Variants in TPCN1 observed in about 807,000 individuals in gnomAD.
The protein encoded by TPCN1 is two pore segment channel 1, also known as two pore channel protein 1.
In TPCN1, 52 loss-of-function variants were observed where a neutral mutation model predicts 108.8. The ratio of observed to expected loss-of-function variants is 0.48; its 90% CI spans 0.38 to 0.60. TPCN1 has a LOEUF of 0.60. Among genes scored for constraint, TPCN1 ranks in the 20% least tolerant of loss-of-function variants. The pLI is 0.00. For missense variants in TPCN1, 806 were observed against 1,072.8 expected (o/e 0.75, Z 3.47); for synonymous variants, 446 against 433.7 (o/e 1.03, Z -0.35).
intron 2 of TPCN1, among the ~76,000 whole-genome samples, chr12:113,258,106 T>C (rs1220522576): frequency 6.6e-6 from 1 of 152,232 alleles, no homozygotes; most frequent in African/African-American, 2.4e-5. Flanking sequence ...GGTCAAAATG[T>C]ATCAAACTGT....
intron 2 of TPCN1, among the ~76,000 whole-genome samples, chr12:113,239,153 T>C (rs1193039738): frequency 2.0e-5 from 3 of 152,140 alleles, no homozygotes; most frequent in Non-Finnish European, 2.9e-5. Context: ...TATATACATA[T>C]ATATTTCAAA....
chr12:113,250,673 G>A (rs547718692), intron 2 of TPCN1, among the ~76,000 whole-genome samples: 31 of 152,350 alleles, frequency 2.0e-4, no homozygotes, highest in Non-Finnish European at 2.4e-4. Context: ...ATTATTTCCC[G>A]GCCAGGCGCA....
chr12:113,286,954 A>G (rs766533116), intron 18 of TPCN1, 33 bp from the exon 19 acceptor site: 31 of 1,559,858 alleles, frequency 2.0e-5, no homozygotes, highest in Non-Finnish European at 2.4e-5. Flanking sequence ...GCTCAGGGCC[A>G]CAGGGTGGAC....
chr12:113,254,146 C>T (rs1954749574), intron 2 of TPCN1, among the ~76,000 whole-genome samples: 1 of 152,164 alleles, frequency 6.6e-6, no homozygotes, highest in Non-Finnish European at 1.5e-5. Flanking sequence ...GAATAGAAAA[C>T]CTGAGTGGCC....
intron 27 of TPCN1, among the ~76,000 whole-genome samples, chr12:113,295,436 T>G (rs1956392562): frequency 1.4e-5 from 2 of 138,278 alleles, no homozygotes; most frequent in East Asian, 2.0e-4. Flanking sequence ...AGTGAATCTC[T>G]GTCTCCTAAA....
chr12:113,223,569 AGT>A (rs1250655052), intron 1 of TPCN1, among the ~76,000 whole-genome samples: 1 of 151,592 alleles, frequency 6.6e-6, no homozygotes, highest in Non-Finnish European at 1.5e-5. Context: ...TTTGAGATGG[AGT>A]CTCGCTCTGT....
At chr12:113,290,928 C>T (rs1466599269) in intron 22 of TPCN1, 24 bp from the exon 23 acceptor site, 1 of 1,613,192 alleles carries the variant, frequency 6.2e-7, no homozygotes, top group Admixed American at 1.7e-5. Flanking sequence ...CATCAGGATG[C>T]TTCTTTCTCT....
intron 4 of TPCN1, among the ~76,000 whole-genome samples, chr12:113,267,495 C>T (rs1312407606): frequency 6.6e-6 from 1 of 151,728 alleles, no homozygotes; most frequent in Admixed American, 6.6e-5. Flanking sequence ...GCCTCCTGTG[C>T]TCAAGCGATT....
chr12:113,277,807 T>C (rs1412640645), intron 12 of TPCN1, among the ~76,000 whole-genome samples: 1 of 152,142 alleles, frequency 6.6e-6, no homozygotes, highest in Non-Finnish European at 1.5e-5. Flanking sequence ...CAGCCTGCTG[T>C]GGAGCTGAGA....
intron 2 of TPCN1, among the ~76,000 whole-genome samples, chr12:113,249,147 G>A (rs1436227741): frequency 1.3e-5 from 2 of 152,172 alleles, no homozygotes; most frequent in Admixed American, 1.3e-4. Flanking sequence ...TCACCCCAGG[G>A]CCTTCTCCTG....
Position 113,266,420 on chromosome 12 carries a change from C to A in TPCN1, c.414+64C>A. 1 of 1,573,644 alleles carries A rather than the reference C, an allele frequency of 6.4e-7. No individual in the cohort carries two copies. Among genetic ancestry groups the A allele is most frequent in the Non-Finnish European group, 8.6e-7 (1 of 1,162,920 alleles). Reference sequence around the variant, plus strand: ...ACGGCTTTCAGGGCAAGCGATGGAACTCCAAAAAGGAACATTCTGGGAGGG... The same window carrying A: ...ACGGCTTTCAGGGCAAGCGATGGAAATCCAAAAAGGAACATTCTGGGAGGG... On this transcript the variant is annotated intron_variant, in intron 4 of 27. Coordinates refer to ENST00000335509, the MANE Select transcript of TPCN1 (RefSeq NM_017901.6). The surrounding 1 kb of genome is among the most constrained non-coding windows in gnomAD (Gnocchi z 4.2).
In TPCN1 at chr12:113,284,143, G is replaced by A. The variant is rs1955983965; in HGVS notation, c.1343-438G>A. Among the ~76,000 whole-genome samples the A allele has an allele frequency of 6.6e-6, 1 of 152,192 alleles. No homozygotes were observed. The highest frequency in any genetic ancestry group is 6.5e-5 in the Admixed American group (1 of 15,276). On this transcript the variant is annotated intron_variant, in intron 15 of 27. Transcript: ENST00000335509. This position sits in a 1 kb window ranked among gnomAD's most constrained non-coding sequence, Gnocchi z 4.1. ...TTATATTTTTGCTAGTGTGTCATTG[G>A]GATGGTTTCTGGAAAGTGGGATTGC... is the stretch of plus-strand genomic sequence containing the variant.
intron 3 of TPCN1, among the ~76,000 whole-genome samples, chr12:113,263,478 C>A (rs1051902240): frequency 3.3e-5 from 5 of 152,246 alleles, no homozygotes; most frequent in Admixed American, 3.3e-4. Flanking sequence ...TCAGGTTGGT[C>A]TCAAATTTAT....
At chr12:113,257,598 A>G (rs1363786625) in intron 2 of TPCN1, among the ~76,000 whole-genome samples, 1 of 152,228 alleles carries the variant, frequency 6.6e-6, no homozygotes, top group East Asian at 1.9e-4. Flanking sequence ...TGGTACAATC[A>G]TTTTGGAAAA....
chr12:113,275,246 T>C (rs1423312349), intron 10 of TPCN1, among the ~76,000 whole-genome samples: 2 of 152,234 alleles, frequency 1.3e-5, no homozygotes, highest in Admixed American at 6.5e-5. Flanking sequence ...TAAGTCCTTT[T>C]CTCTTTTTTG....
Position 113,221,570 on chromosome 12 carries a change from G to GGCTAGGCTGCGCGGTGCGGACCCCGGCGC in TPCN1, c.-179_-151dup. 1 of 260,522 alleles carries GGCTAGGCTGCGCGGTGCGGACCCCGGCGC rather than the reference G, an allele frequency of 3.8e-6. No individual in the cohort carries two copies. The highest frequency in any genetic ancestry group is 4.9e-5 in the Admixed American group (1 of 20,394). The allele number at this position is 260,522 out of a possible 1,614,324, so 16.1% of individuals were successfully genotyped here. ...CGGGGTTTTGGCGGCGGCGCCGGCGGGCTAGGCTGCGCGGTGCGGACCCCG... is the reference window on the plus strand; with the variant it reads ...CGGGGTTTTGGCGGCGGCGCCGGCGGGCTAGGCTGCGCGGTGCGGACCCCGGCGCGCTAGGCTGCGCGGTGCGGACCCCG... On this transcript the variant is annotated 5_prime_UTR_variant, in exon 1 of 28. Transcript: ENST00000335509.
intron 10 of TPCN1, among the ~76,000 whole-genome samples, chr12:113,274,352 G>C (rs1364089121): frequency 6.6e-6 from 1 of 152,040 alleles, no homozygotes; most frequent in Non-Finnish European, 1.5e-5. Flanking sequence ...GGAGGCTGAG[G>C]CAGAAGAATT....
chr12:113,246,202 T>C, intron 2 of TPCN1: 1 of 371,700 alleles, frequency 2.7e-6, no homozygotes, highest in South Asian at 2.0e-5. Context: ...CTGAGTGGTT[T>C]TACGTTCTCT....
In TPCN1 at chr12:113,289,012, G is replaced by T. The variant is rs187532396; in HGVS notation, c.1796+165G>T. Among the ~76,000 whole-genome samples, 13 of 152,318 alleles carry T rather than the reference G, an allele frequency of 8.5e-5. No individual in the cohort carries two copies. In the East Asian group the frequency reaches 2.3e-3, roughly 27 times the overall value. On this transcript the variant is annotated intron_variant, in intron 21 of 27. Transcript: ENST00000335509. This position sits in a 1 kb window ranked among gnomAD's most constrained non-coding sequence, Gnocchi z 4.1. ...CTTAGTTGAGTGCAGTGAGCTAAAT[G>T]AGGGGCCTGGACTCGGGGTCCCTGT...
Sources: gnomAD v4.1 joint callset for allele counts (sites outside exome capture counted in the v4.1 genomes callset) on GRCh38, gnomAD v4.1.1 for gene constraint, Gnocchi (gnomAD v3.1) non-coding constraint, MANE v1.5 for transcripts, NCBI Gene and HGNC (gene_info 2026-07-23, HGNC 2026-07-21) for gene names.